Variants in ARHGAP5 observed in about 807,000 individuals in gnomAD.
The protein encoded by ARHGAP5 is rho GTPase-activating protein 5.
Under a neutral mutation model 116.6 loss-of-function variants are expected in ARHGAP5, and 23 were observed. The ratio of observed to expected loss-of-function variants is 0.20; its 90% confidence interval spans 0.14 to 0.28. ARHGAP5 has a LOEUF of 0.28. ARHGAP5 is among the 10% of genes least tolerant of loss of function. ARHGAP5 has a pLI of 1.00. For missense variants in ARHGAP5, 1,405 were observed against 1,774.8 expected, an observed-to-expected ratio of 0.79 and a Z score of 3.74; for synonymous variants, 574 against 602.0, an observed-to-expected ratio of 0.95 and a Z score of 0.68.
At chr14:32,127,144 C>G (rs1473186938) in intron 3 of ARHGAP5, among the ~76,000 whole-genome samples, 1 of 151,354 alleles carries the variant, frequency 6.6e-6, no homozygotes, top group African/African-American at 2.4e-5. Flanking sequence ...ACCACAGGTG[C>G]GTGCCACCAC....
intron 3 of ARHGAP5, among the ~76,000 whole-genome samples, chr14:32,120,103 TTTTAA>T (rs1879807763): frequency 6.6e-6 from 1 of 152,078 alleles, no homozygotes; most frequent in Non-Finnish European, 1.5e-5. Context: ...GTGAGGAGGT[TTTTAA>T]TTTAAGTTTC....
At chr14:32,134,960 C>G (rs1193857176) in intron 3 of ARHGAP5, among the ~76,000 whole-genome samples, 1 of 152,150 alleles carries the variant, frequency 6.6e-6, no homozygotes, top group African/African-American at 2.4e-5. Context: ...ATATTTAATT[C>G]TCCCAGTTGT....
intron 5 of ARHGAP5, among the ~76,000 whole-genome samples, chr14:32,150,742 C>G (rs1409961450): frequency 6.6e-6 from 1 of 152,160 alleles, no homozygotes; most frequent in East Asian, 1.9e-4. Flanking sequence ...TTAAGTTTCC[C>G]ACACAAGAAC....
rs376045217 is a variant in ARHGAP5, at chr14:32,159,468, G to A, written c.*4520G>A. Reference sequence around the variant, plus strand: ...AGATTTTATTTGAATAAGTTATGTGGGTTTAGTAATTGACCTATTTATTCA... The same window carrying A: ...AGATTTTATTTGAATAAGTTATGTGAGTTTAGTAATTGACCTATTTATTCA... On this transcript the variant is annotated 3_prime_UTR_variant, in exon 7 of 7. Transcript: ENST00000345122. 127 of 151,928 alleles carry A rather than the reference G, an allele frequency of 8.4e-4. No homozygotes were observed. The highest frequency in any genetic ancestry group is 2.9e-3 in the African/African-American group (121 of 41,442). 9.4% of individuals were successfully genotyped at this position (151,928 alleles called of 1,614,324 possible).
chr14:32,078,924 C>G (rs1196338371), intron 1 of ARHGAP5, among the ~76,000 whole-genome samples: 1 of 152,112 alleles, frequency 6.6e-6, no homozygotes, highest in Admixed American at 6.5e-5. Context: ...TCTAGGTAAC[C>G]TACTAGATAG....
At chr14:32,084,228 A>G (rs2041806580) in intron 1 of ARHGAP5, among the ~76,000 whole-genome samples, 1 of 152,192 alleles carries the variant, frequency 6.6e-6, no homozygotes, top group Non-Finnish European at 1.5e-5. Context: ...GAAGATAAAA[A>G]TGGTTAAAAG....
intron 1 of ARHGAP5, among the ~76,000 whole-genome samples, chr14:32,082,008 A>G (rs1432155091): frequency 6.6e-6 from 1 of 152,080 alleles, no homozygotes; most frequent in Non-Finnish European, 1.5e-5. Flanking sequence ...ATCAGGCATT[A>G]ATTAGTTAGA....
At chr14:32,079,521 A>AT (rs941472804) in intron 1 of ARHGAP5, among the ~76,000 whole-genome samples, 1 of 152,146 alleles carries the variant, frequency 6.6e-6, no homozygotes, top group Non-Finnish European at 1.5e-5. Context: ...TAGCACAGTC[A>AT]TTTTTTTGGA....
chr14:32,130,602 G>A (rs988898829), intron 3 of ARHGAP5, among the ~76,000 whole-genome samples: 8 of 151,926 alleles, frequency 5.3e-5, no homozygotes, highest in Admixed American at 2.0e-4. Context: ...GTGCAGTGGC[G>A]CGATCTCAGC....
intron 4 of ARHGAP5, among the ~76,000 whole-genome samples, chr14:32,149,645 G>A (rs544271187): frequency 3.9e-5 from 6 of 151,956 alleles, no homozygotes; most frequent in East Asian, 1.9e-4. Context: ...GGTGACGGTC[G>A]CCTGTAATCC....
chr14:32,093,432 A>G lies in ARHGAP5; in HGVS notation c.2763A>G (p.Leu921=), dbSNP rs761990330. 1 of 1,613,886 alleles carries G rather than the reference A, an allele frequency of 6.2e-7. No individual in the cohort carries two copies. The change falls in exon 2 of 7, where the codon TTA becomes TTG. Residue 921 remains leucine, a synonymous_variant. Coordinates refer to ENST00000345122, the MANE Select transcript of ARHGAP5 (RefSeq NM_001030055.2). ...CTAAATTTACAGCACTGTATTCTTT[A>G]TCTCAGTATCATCGGCAAACTGAGG... is the stretch of plus-strand genomic sequence containing the variant. ...ITAKFTALYS[L]SQYHRQTEVF... is the part of the protein sequence containing the mutation.
Position 32,093,759 on chromosome 14 carries a change from T to C in ARHGAP5, c.3090T>C (p.His1030=), listed in dbSNP as rs149587473. Residue 1030 remains histidine (H), a synonymous_variant, in exon 2 of 7, where the codon CAT becomes CAC. Coordinates refer to ENST00000345122, the MANE Select transcript of ARHGAP5 (RefSeq NM_001030055.2). ...ATAGTACCCCAAACTGTCATGACCA[T>C]GAACGCAACCATAAAGTGCCTCCAC... is the stretch of plus-strand genomic sequence containing the variant. The part of the protein sequence containing the change: ...PIHSTPNCHD[H]ERNHKVPPPI... 2.1e-4 allele frequency: 345 copies of C among 1,614,092 alleles called. 6 individuals are homozygous for C. In the South Asian group the frequency reaches 3.6e-3, roughly 17 times the overall value.
intron 1 of ARHGAP5, 48 bp downstream of exon 1, chr14:32,077,483 G>A (rs1450190479): frequency 5.8e-6 from 4 of 683,882 alleles, no homozygotes; most frequent in Non-Finnish European, 1.1e-5. Context: ...GCCCCCTCCC[G>A]GACGGGGACC....
At chr14:32,143,399 C>T (rs762412168) in intron 3 of ARHGAP5, among the ~76,000 whole-genome samples, 2 of 152,080 alleles carry the variant, frequency 1.3e-5, no homozygotes, top group African/African-American at 4.8e-5. Flanking sequence ...CCCACCACCA[C>T]GCCTGGCTAA....
chr14:32,148,124 G>A (rs573878953), intron 4 of ARHGAP5, among the ~76,000 whole-genome samples: 1 of 152,250 alleles, frequency 6.6e-6, no homozygotes, highest in South Asian at 2.1e-4. Flanking sequence ...CTGCACTCCA[G>A]CCTGGGTGAC....
rs1265173327 is a variant in ARHGAP5, at chr14:32,156,710, A to G, written c.*1762A>G. On this transcript the variant is annotated 3_prime_UTR_variant, in exon 7 of 7. Transcript: ENST00000345122. ...CCTATTGTCTATATAGCTTTAATTT[A>G]TAGTTGTCAGTTTAACTATTGGCAT... 6.6e-6 allele frequency: 1 copy of G among 152,296 alleles called. No individual in the cohort carries two copies. The highest frequency in any genetic ancestry group is 2.4e-5 in the African/African-American group (1 of 41,424). The allele number at this position is 152,296 out of a possible 1,614,324, so 9.4% of individuals were successfully genotyped here.
intron 2 of ARHGAP5, 98 bp from the exon 3 acceptor site, chr14:32,117,042 A>C: frequency 1.0e-6 from 1 of 954,556 alleles, no homozygotes; most frequent in Non-Finnish European, 1.4e-6. Context: ...TGTGGCTATA[A>C]AATTTTTCTT....
intron 1 of ARHGAP5, among the ~76,000 whole-genome samples, chr14:32,081,492 T>A (rs1203333684): frequency 1.5e-5 from 2 of 136,440 alleles, no homozygotes; most frequent in Non-Finnish European, 3.0e-5. Flanking sequence ...GAGCTTGCAG[T>A]GAGCCGAGAT....
At position 32,077,395 on chromosome 14, in the gene ARHGAP5, G is replaced by A. The variant is rs2041715492; in HGVS notation, c.-209G>A. 2.8e-6 allele frequency: 2 copies of A among 703,518 alleles called. No homozygotes were observed. Among genetic ancestry groups the A allele is most frequent in the Non-Finnish European group, 5.2e-6 (2 of 385,780 alleles). 43.6% of individuals were successfully genotyped at this position (703,518 alleles called of 1,614,324 possible). A position where few individuals can be genotyped will look rare whatever the true frequency, so the allele number is the denominator to read the frequency against. On this transcript the variant is annotated 5_prime_UTR_variant, in exon 1 of 7. Coordinates refer to ENST00000345122, the MANE Select transcript of ARHGAP5 (RefSeq NM_001030055.2). ...CGCTGCCGCCGCCACCGCCGGGGCC[G>A]CTGCCGTTGAGGAGGAGACGGAGGA...
Sources: gnomAD v4.1 joint callset for allele counts (sites outside exome capture counted in the v4.1 genomes callset) on GRCh38, gnomAD v4.1.1 for gene constraint, MANE v1.5 for transcripts, NCBI Gene and HGNC (gene_info 2026-07-23, HGNC 2026-07-21) for gene names.